MYH9: variants seen among roughly 807,000 people sequenced by gnomAD.
MYH9 encodes myosin-9.
A neutral mutation model predicts 241.9 loss-of-function variants in MYH9; 29 were observed. The observed-to-expected ratio is 0.12, with a 90% CI of 0.09 to 0.16. MYH9 has a LOEUF of 0.16. Ranked by LOEUF, MYH9 falls within the 10% of genes least tolerant of loss-of-function variation. The pLI, the probability that MYH9 is intolerant of heterozygous loss-of-function variation, is 1.00. For missense variants in MYH9, 1,803 were observed against 2,595.5 expected (o/e 0.69, Z 6.63); for synonymous variants, 1,047 against 1,062.6 (o/e 0.99, Z 0.29).
chr22:36,377,020 G>A (rs1387647684), intron 1 of MYH9, among the ~76,000 whole-genome samples: 1 of 151,302 alleles, frequency 6.6e-6, no homozygotes, highest in Non-Finnish European at 1.5e-5. Flanking sequence ...CCAAGATCGT[G>A]CAACTGTACT....
rs1479216148 is a variant in MYH9 at position 36,284,142 on chromosome 22, T to C, written c.5716A>G (p.Thr1906Ala). The C allele has an allele frequency of 3.7e-6, 6 of 1,614,060 alleles. No homozygotes were observed. In the African/African-American group the frequency reaches 5.3e-5, roughly 14 times the overall value. ...LQRELEDATE[T>A]ADAMNREVSS... ...ACTTCGCGGTTCATGGCATCGGCCG[T>C]CTCAGTGGCGTCCTCCAGCTCGCGC... Residue 1906 changes from threonine to alanine, a missense_variant, in exon 40 of 41, where the codon ACG becomes GCG. By Grantham distance (58) the Thr-to-Ala change is moderately conservative. Around this residue, in one of 11 missense-constraint regions of MYH9, gnomAD observed 876 missense variants for 1,077.8 expected, o/e 0.81. Transcript: ENST00000216181.
intron 3 of MYH9, among the ~76,000 whole-genome samples, chr22:36,338,188 CAG>C (rs2146381196): frequency 6.6e-6 from 1 of 151,946 alleles, no homozygotes; most frequent in Non-Finnish European, 1.5e-5. Context: ...TTAGTAGAGA[CAG>C]GGTTTCGCCA....
intron 2 of MYH9, 65 bp downstream of exon 2, chr22:36,348,839 C>T: frequency 8.1e-6 from 6 of 736,814 alleles, no homozygotes; most frequent in South Asian, 1.6e-5. Flanking sequence ...ATGGGAAGAC[C>T]CGCCCCCCCC....
intron 24 of MYH9, among the ~76,000 whole-genome samples, 170 bp downstream of exon 24, chr22:36,298,749 C>G (rs1375348487): frequency 6.6e-6 from 1 of 152,178 alleles, no homozygotes; most frequent in East Asian, 1.9e-4. Flanking sequence ...CACGGCTCCC[C>G]TCGACCTGGT....
intron 1 of MYH9, among the ~76,000 whole-genome samples, chr22:36,362,886 G>A (rs1158307064): frequency 6.6e-6 from 1 of 152,152 alleles, no homozygotes; most frequent in Non-Finnish European, 1.5e-5. Context: ...CGCCCAGCAT[G>A]GATAGAAGTG....
rs932444314 is a variant in MYH9, at chr22:36,305,171, G to A, written c.2160-69C>T. ...GATTCCACATGCCTGGAATATAGGC[G>A]AGAGATTAACATCATTTCTACAATG... On this transcript the variant is annotated intron_variant, in intron 17 of 40. Transcript: ENST00000216181. The surrounding 1 kb of genome is among the most constrained non-coding windows in gnomAD (Gnocchi z 4.7). 2.5e-5 allele frequency: 33 copies of A among 1,299,982 alleles called. No individual in the cohort carries two copies. Among genetic ancestry groups the A allele is most frequent in the East Asian group, 4.6e-5 (2 of 43,306 alleles). 80.5% of individuals were successfully genotyped at this position (1,299,982 alleles called of 1,614,324 possible).
Position 36,330,986 on chromosome 22 carries a change from C to T in MYH9, c.491-3498G>A, listed in dbSNP as rs769558410. 9.2e-5 allele frequency among the ~76,000 whole-genome samples: 14 copies of T among 152,094 alleles called. No individual in the cohort carries two copies. The highest frequency in any genetic ancestry group is 1.6e-4 in the Non-Finnish European group (11 of 68,022). ...AGTTTTCAGACTTTTCAAAAAGCAG[C>T]GGCAGTCCTTCCTCAGATAAAATCT... On this transcript the variant is annotated intron_variant, in intron 3 of 40. Transcript: ENST00000216181. The surrounding 1 kb of genome is among the most constrained non-coding windows in gnomAD (Gnocchi z 4.5).
chr22:36,378,628 G>A (rs1347047403), intron 1 of MYH9, among the ~76,000 whole-genome samples: 2 of 152,016 alleles, frequency 1.3e-5, no homozygotes, highest in African/African-American at 4.8e-5. Flanking sequence ...TTCGAGCTGT[G>A]GGAACTTTCA....
intron 2 of MYH9, among the ~76,000 whole-genome samples, chr22:36,348,131 A>C (rs1022030890): frequency 1.5e-3 from 221 of 148,546 alleles, no homozygotes; most frequent in African/African-American, 5.1e-3. Context: ...AAGATATTTT[A>C]TTTAAAAAAA....
chr22:36,348,115 ATAAT>A (rs1041921743), intron 2 of MYH9, among the ~76,000 whole-genome samples: 19 of 145,650 alleles, frequency 1.3e-4, no homozygotes, highest in African/African-American at 4.2e-4. Context: ...AATATTTTAA[ATAAT>A]TAAGATATTT....
chr22:36,318,636 G>A (rs1305941066), intron 10 of MYH9, among the ~76,000 whole-genome samples: 2 of 152,198 alleles, frequency 1.3e-5, no homozygotes, highest in African/African-American at 4.8e-5. Flanking sequence ...AGCGGCAGCA[G>A]TGGTTCCTCT....
At chr22:36,284,346 C>A in intron 39 of MYH9, 57 bp downstream of exon 39, 2 of 1,606,054 alleles carry the variant, frequency 1.2e-6, no homozygotes, top group Non-Finnish European at 1.7e-6. Context: ...CCCTGCCTGT[C>A]ACCCCATCTG....
At chr22:36,344,229 C>T (rs941670681) in intron 2 of MYH9, among the ~76,000 whole-genome samples, 3 of 152,360 alleles carry the variant, frequency 2.0e-5, no homozygotes, top group Non-Finnish European at 4.4e-5. Context: ...GCCCACGCGG[C>T]GCGGCCACGA....
Position 36,306,358 on chromosome 22 carries a change from G to A in MYH9, c.2037+56C>T. On this transcript the variant is annotated intron_variant, in intron 16 of 40. Coordinates refer to ENST00000216181, the MANE Select transcript of MYH9 (RefSeq NM_002473.6). This position sits in a 1 kb window ranked among gnomAD's most constrained non-coding sequence, Gnocchi z 4.1. ...GCTTTTGCTGGGGAGACAGACAAGG[G>A]CTGAGCACCCCACACCACAGTGCCC... is the stretch of plus-strand genomic sequence containing the variant. The A allele has an allele frequency of 6.2e-7, 1 of 1,602,052 alleles. No homozygotes were observed. Among genetic ancestry groups the A allele is most frequent in the Admixed American group, 1.7e-5 (1 of 59,320 alleles).
intron 1 of MYH9, among the ~76,000 whole-genome samples, chr22:36,352,702 C>G (rs956517287): frequency 3.9e-5 from 6 of 152,238 alleles, no homozygotes; most frequent in Non-Finnish European, 8.8e-5. Context: ...GAGGCCTGGC[C>G]ACCAAGCCAC....
chr22:36,348,102 T>A (rs1003457727), intron 2 of MYH9, among the ~76,000 whole-genome samples: 6 of 147,628 alleles, frequency 4.1e-5, no homozygotes, highest in East Asian at 1.9e-4. Context: ...AGATATTTTT[T>A]AAAATATTTT....
In MYH9 at chr22:36,294,961, G is replaced by A; in HGVS notation, c.3601C>T (p.Leu1201=). The change falls in exon 27 of 41, where the codon CTG becomes TTG. Residue 1201 remains leucine (L), a synonymous_variant. Coordinates refer to ENST00000216181, the MANE Select transcript of MYH9 (RefSeq NM_002473.6). The stretch of plus-strand genomic sequence containing the variant: ...TTCGTCTGCTCCAGCTGCTCCGCCA[G>A]CTCCTCCACGGCCTGTGAGTGCTTC... ...RQKHSQAVEE[L]AEQLEQTKRV... The A allele has an allele frequency of 3.1e-6, 5 of 1,614,074 alleles. No individual in the cohort carries two copies. Among genetic ancestry groups the A allele is most frequent in the Non-Finnish European group, 4.2e-6 (5 of 1,180,034 alleles).
chr22:36,296,540 C>CTTTTTTTTTTTTTTTTT (rs67917055), intron 25 of MYH9, among the ~76,000 whole-genome samples: 2 of 100,884 alleles, frequency 2.0e-5, no homozygotes, highest in African/African-American at 4.0e-5. Flanking sequence ...CTGGTCAAGT[C>CTTTTTTTTTTTTTTTTT]TTTTTTTTTT....
chr22:36,386,369 AACTG>A (rs138298948), intron 1 of MYH9, among the ~76,000 whole-genome samples: 60 of 152,210 alleles, frequency 3.9e-4, no homozygotes, highest in East Asian at 1.5e-3. Context: ...CTTGTATATA[AACTG>A]ACTATTATTA....
Sources: allele counts gnomAD v4.1 joint callset (sites outside exome capture counted in the v4.1 genomes callset), GRCh38; gene constraint gnomAD v4.1.1; regional missense constraint gnomAD v4.1.1; non-coding constraint Gnocchi (gnomAD v3.1); transcripts MANE v1.5; gene names NCBI Gene and HGNC (gene_info 2026-07-23, HGNC 2026-07-21).